The following OSBPL8 variants were observed in gnomAD, a reference collection of about 807,000 sequenced individuals.
OSBPL8 encodes oxysterol binding protein like 8.
In OSBPL8, 59 loss-of-function variants were observed where a neutral mutation model predicts 125.5. That is an observed-to-expected ratio of 0.47 (90% CI 0.38 to 0.58). OSBPL8 has a LOEUF of 0.58. Ranked by LOEUF, OSBPL8 falls within the 20% of genes least tolerant of loss-of-function variation. OSBPL8 has a pLI of 0.00. For synonymous variants in OSBPL8, 330 were observed against 338.9 expected, an observed-to-expected ratio of 0.97 and a Z score of 0.29; for missense variants, 758 against 1,047.8, an observed-to-expected ratio of 0.72 and a Z score of 3.82.
Position 76,355,635 on chromosome 12 carries a change from A to G in OSBPL8, c.*254T>C, listed in dbSNP as rs1951955927. 5.3e-6 allele frequency: 2 copies of G among 374,556 alleles called. No homozygotes were observed. The highest frequency in any genetic ancestry group is 8.8e-5 in the Admixed American group (2 of 22,742). The allele number at this position is 374,556 out of a possible 1,614,324, so 23.2% of individuals were successfully genotyped here. A position where few individuals can be genotyped will look rare whatever the true frequency, so the allele number is the denominator to read the frequency against. The stretch of plus-strand genomic sequence containing the variant: ...GTATACATGTGGGTTTATTATACTC[A>G]TATGTAGACACATTCTCACAAAAGC... On this transcript the variant is annotated 3_prime_UTR_variant, in exon 24 of 24. Coordinates refer to ENST00000261183, the MANE Select transcript of OSBPL8 (RefSeq NM_020841.5).
chr12:76,466,884 C>T (rs35138762), intron 2 of OSBPL8, among the ~76,000 whole-genome samples: 2 of 151,272 alleles, frequency 1.3e-5, no homozygotes, highest in Non-Finnish European at 2.9e-5. Flanking sequence ...CGCTTGAACC[C>T]GGGGGCGGGG....
intron 1 of OSBPL8, among the ~76,000 whole-genome samples, chr12:76,544,114 G>T (rs1342663053): frequency 1.3e-5 from 2 of 152,170 alleles, no homozygotes; most frequent in East Asian, 1.9e-4. Context: ...TCTCCATTCA[G>T]AGTAGTCACT....
At chr12:76,502,430 C>A (rs1442444974) in intron 1 of OSBPL8, among the ~76,000 whole-genome samples, 2 of 152,138 alleles carry the variant, frequency 1.3e-5, no homozygotes, top group Non-Finnish European at 2.9e-5. Context: ...GGTCCCCATG[C>A]CTCTGAATCA....
chr12:76,449,961 AC>A (rs915342028), intron 4 of OSBPL8, among the ~76,000 whole-genome samples: 40 of 151,050 alleles, frequency 2.6e-4, no homozygotes, highest in African/African-American at 6.8e-4. Flanking sequence ...TTATGTATAA[AC>A]CCCCCCCATA....
chr12:76,372,359 T>A (rs938498132), intron 18 of OSBPL8, among the ~76,000 whole-genome samples: 38 of 152,200 alleles, frequency 2.5e-4, no homozygotes, highest in African/African-American at 9.1e-4. Context: ...TGTGCCATCA[T>A]GCCCATCTAA....
In OSBPL8 at chr12:76,472,155, G is replaced by C. The variant is rs770794569; in HGVS notation, c.43-12260C>G. Among the ~76,000 whole-genome samples the C allele has an allele frequency of 1.3e-3, 197 of 152,254 alleles. 1 individual carries two copies. Among genetic ancestry groups the C allele is most frequent in the African/African-American group, 4.6e-3 (192 of 41,544 alleles). Reference sequence around the variant, plus strand: ...CCATCGTCTACTTGTCGTATAGCTCGGGAAAAGCTATATAATTTCTCTTTA... The same window carrying C: ...CCATCGTCTACTTGTCGTATAGCTCCGGAAAAGCTATATAATTTCTCTTTA... On this transcript the variant is annotated intron_variant, in intron 2 of 23. Transcript: ENST00000261183.
At chr12:76,548,803 G>A (rs1950856201) in intron 1 of OSBPL8, among the ~76,000 whole-genome samples, 1 of 152,104 alleles carries the variant, frequency 6.6e-6, no homozygotes, top group Non-Finnish European at 1.5e-5. Flanking sequence ...GAGGGAGGGT[G>A]ACCAGGAACC....
intron 1 of OSBPL8, among the ~76,000 whole-genome samples, chr12:76,513,948 T>A (rs1344933603): frequency 1.3e-5 from 2 of 152,058 alleles, no homozygotes; most frequent in East Asian, 3.9e-4. Flanking sequence ...GTGGATTTGA[T>A]CCTGTCATTG....
chr12:76,520,707 T>A (rs916722390), intron 1 of OSBPL8, among the ~76,000 whole-genome samples: 8 of 151,940 alleles, frequency 5.3e-5, no homozygotes, highest in Admixed American at 1.3e-4. Flanking sequence ...ATGTGTTCCA[T>A]CAGAGATAAT....
In OSBPL8 at chr12:76,450,878, G is replaced by T. The variant is rs758356423; in HGVS notation, c.190C>A (p.Leu64Ile). 2 of 1,613,236 alleles carry T rather than the reference G, an allele frequency of 1.2e-6. No individual in the cohort carries two copies. Among genetic ancestry groups the T allele is most frequent in the Admixed American group, 3.3e-5 (2 of 59,916 alleles). The change falls in exon 4 of 24, where the codon CTT (leucine) becomes ATT (isoleucine). Residue 64 changes from leucine (L) to isoleucine (I), a missense_variant. By Grantham distance (5) the Leu-to-Ile change is conservative (BLOSUM62 2). Around this residue, in one of 3 missense-constraint regions of OSBPL8, gnomAD observed 117 missense variants for 137.1 expected, o/e 0.85. Coordinates refer to ENST00000261183, the MANE Select transcript of OSBPL8 (RefSeq NM_020841.5). Reference protein sequence around the residue: ...TPTKDLHQPSLSPASPHSQGF... With the variant: ...TPTKDLHQPSISPASPHSQGF... ...TGGCTATGAGGACTTGCTGGACTAA[G>T]AGATGGCTGATGCAAATCTTTGGTT...
intron 1 of OSBPL8, among the ~76,000 whole-genome samples, chr12:76,495,499 C>T (rs1418722766): frequency 6.6e-6 from 1 of 152,204 alleles, no homozygotes; most frequent in Non-Finnish European, 1.5e-5. Context: ...CTGCATAGTA[C>T]TGAAGTCTGC....
chr12:76,415,468 G>A (rs1210403734), intron 4 of OSBPL8, among the ~76,000 whole-genome samples: 8 of 151,978 alleles, frequency 5.3e-5, no homozygotes, highest in African/African-American at 1.9e-4. Context: ...GGCCGGTCTC[G>A]AACTCCTGAC....
chr12:76,513,693 C>G (rs1210694246), intron 1 of OSBPL8, among the ~76,000 whole-genome samples: 2 of 127,156 alleles, frequency 1.6e-5, no homozygotes, highest in Non-Finnish European at 3.4e-5. Context: ...TTTTTTTAAT[C>G]TTTGTTGGTT....
At chr12:76,364,063 T>C (rs1010381024) in intron 21 of OSBPL8, among the ~76,000 whole-genome samples, 9 of 152,166 alleles carry the variant, frequency 5.9e-5, no homozygotes, top group African/African-American at 2.2e-4. Context: ...GGAGGGTAAA[T>C]TAGTTCAACC....
chr12:76,413,429 C>T (rs1027555723), intron 4 of OSBPL8, among the ~76,000 whole-genome samples: 8 of 152,260 alleles, frequency 5.3e-5, no homozygotes, highest in African/African-American at 1.9e-4. Context: ...TGGATTGTTC[C>T]TAATTTTCCC....
chr12:76,361,161 C>G (rs547613307), intron 21 of OSBPL8, among the ~76,000 whole-genome samples: 1 of 152,308 alleles, frequency 6.6e-6, no homozygotes, highest in South Asian at 2.1e-4. Context: ...TAACAGCACC[C>G]AAGTCACCTC....
chr12:76,385,198 T>C (rs2136267542), intron 14 of OSBPL8, among the ~76,000 whole-genome samples: 1 of 152,308 alleles, frequency 6.6e-6, no homozygotes, highest in African/African-American at 2.4e-5. Flanking sequence ...GGTTTTGACT[T>C]GAGGGGGTTA....
At chr12:76,474,725 C>T (rs1195673738) in intron 2 of OSBPL8, among the ~76,000 whole-genome samples, 2 of 152,304 alleles carry the variant, frequency 1.3e-5, no homozygotes, top group South Asian at 4.1e-4. Context: ...TCAAGCAATC[C>T]TCCTGCCTCA....
chr12:76,499,574 G>C (rs1470663822), intron 1 of OSBPL8, among the ~76,000 whole-genome samples: 2 of 152,088 alleles, frequency 1.3e-5, no homozygotes, highest in Non-Finnish European at 1.5e-5. Flanking sequence ...TTGTCAGCCA[G>C]GTACAGTAGC....
Sources: gnomAD v4.1 joint callset for allele counts (sites outside exome capture counted in the v4.1 genomes callset) on GRCh38, gnomAD v4.1.1 for gene constraint, gnomAD v4.1.1 regional missense constraint, MANE v1.5 for transcripts, NCBI Gene and HGNC (gene_info 2026-07-23, HGNC 2026-07-21) for gene names.